UBTD1: variants seen among roughly 807,000 people sequenced by gnomAD.
UBTD1 encodes the protein ubiquitin domain-containing protein 1.
In UBTD1, 19 loss-of-function variants were observed where a neutral mutation model predicts 21.7. The ratio of observed to expected loss-of-function variants is 0.87; its 90% CI spans 0.61 to 1.28. The LOEUF (loss-of-function observed/expected upper bound fraction) is 1.28. UBTD1 is among the 50% of genes most tolerant of loss of function. The pLI, the probability that UBTD1 is intolerant of heterozygous loss-of-function variation, is 0.00. For missense variants in UBTD1, 282 were observed against 315.1 expected (o/e 0.89, Z 0.80); for synonymous variants, 116 against 135.1 (o/e 0.86, Z 0.98).
rs772346762 is a variant in UBTD1, at chr10:97,570,205, G to A, written c.366G>A (p.Pro122=). 15 of 1,613,174 alleles carry A rather than the reference G, an allele frequency of 9.3e-6. No individual in the cohort carries two copies. Among genetic ancestry groups the A allele is most frequent in the African/African-American group, 2.7e-5 (2 of 75,038 alleles). The stretch of plus-strand genomic sequence containing the variant: ...AGCTGCCCATCTACTGCCTGTCACC[G>A]CCGGTGAACCTGCTGCTGGAGCACA... ...RYQLPIYCLS[P]PVNLLLEHTE... The change falls in exon 3 of 3, where the codon CCG becomes CCA. Residue 122 remains proline, a synonymous_variant. Transcript: ENST00000370664. This position sits in a 1 kb window ranked among gnomAD's most constrained non-coding sequence, Gnocchi z 6.6.
At chr10:97,557,298 G>A (rs1198847238) in intron 1 of UBTD1, among the ~76,000 whole-genome samples, 2 of 152,020 alleles carry the variant, frequency 1.3e-5, no homozygotes, top group Non-Finnish European at 2.9e-5. Context: ...TTTTTATTAG[G>A]ATGCTTACAC....
At chr10:97,540,477 C>G (rs1249628714) in intron 1 of UBTD1, among the ~76,000 whole-genome samples, 2 of 152,206 alleles carry the variant, frequency 1.3e-5, no homozygotes, top group Non-Finnish European at 2.9e-5. Context: ...TGATGTAATA[C>G]ATATGAAGTG....
intron 2 of UBTD1, among the ~76,000 whole-genome samples, chr10:97,568,899 C>T (rs953299080): frequency 1.3e-5 from 2 of 152,154 alleles, no homozygotes; most frequent in African/African-American, 4.8e-5. Flanking sequence ...TCTCGGCTCA[C>T]CGCAACCTGC....
In UBTD1 at chr10:97,538,129, A is replaced by G. The variant is rs555032256; in HGVS notation, c.71-29785A>G. Among the ~76,000 whole-genome samples the G allele has an allele frequency of 2.6e-5, 4 of 152,116 alleles. No homozygotes were observed. The South Asian group carries it at 6.2e-4, about 24-fold the overall frequency. ...GCACCAGCCACCATGCTCAGCCCCAACAGACTTTCCACATACCTCTACTCT... is the reference window on the plus strand; with the variant it reads ...GCACCAGCCACCATGCTCAGCCCCAGCAGACTTTCCACATACCTCTACTCT... On this transcript the variant is annotated intron_variant, in intron 1 of 2. Coordinates refer to ENST00000370664, the MANE Select transcript of UBTD1 (RefSeq NM_024954.5).
intron 1 of UBTD1, among the ~76,000 whole-genome samples, chr10:97,511,337 G>A (rs1043702579): frequency 6.6e-6 from 1 of 151,984 alleles, no homozygotes; most frequent in Non-Finnish European, 1.5e-5. Flanking sequence ...GAGGGGGTGG[G>A]GGTACACACA....
At chr10:97,527,318 A>G (rs950496840) in intron 1 of UBTD1, among the ~76,000 whole-genome samples, 1 of 151,754 alleles carries the variant, frequency 6.6e-6, no homozygotes, top group Non-Finnish European at 1.5e-5. Flanking sequence ...CTATACAAAA[A>G]ATTTCAAAAA....
intron 1 of UBTD1, among the ~76,000 whole-genome samples, chr10:97,535,987 A>G (rs190097792): frequency 1.4e-5 from 2 of 145,450 alleles, no homozygotes; most frequent in African/African-American, 5.0e-5. Flanking sequence ...TATTATTATT[A>G]TTATTATTAT....
chr10:97,513,889 T>G (rs1309045376), intron 1 of UBTD1, among the ~76,000 whole-genome samples: 1 of 152,114 alleles, frequency 6.6e-6, no homozygotes, highest in East Asian at 1.9e-4. Context: ...TTTCTGTATT[T>G]TTTATAGAGA....
intron 1 of UBTD1, among the ~76,000 whole-genome samples, chr10:97,501,094 C>T (rs909681651): frequency 4.6e-5 from 7 of 152,146 alleles, no homozygotes; most frequent in South Asian, 4.1e-4. Context: ...CTTCCTTCCG[C>T]GGGACTTGCA....
Position 97,570,050 on chromosome 10 carries a change from T to G in UBTD1, c.299-88T>G. 6.6e-7 allele frequency: 1 copy of G among 1,504,364 alleles called. No homozygotes were observed. The highest frequency in any genetic ancestry group is 8.9e-7 in the Non-Finnish European group (1 of 1,123,694). 93.2% of individuals were successfully genotyped at this position (1,504,364 alleles called of 1,614,324 possible). ...ATACAGTCACATTGGGGGTTAGAGT[T>G]TCACCATATGAATTTGGGGGGACCC... On this transcript the variant is annotated intron_variant, in intron 2 of 2. Coordinates refer to ENST00000370664, the MANE Select transcript of UBTD1 (RefSeq NM_024954.5). This position sits in a 1 kb window ranked among gnomAD's most constrained non-coding sequence, Gnocchi z 6.6.
At position 97,499,259 on chromosome 10, in the gene UBTD1, C is replaced by G. The variant is rs774115015; in HGVS notation, c.56C>G (p.Pro19Arg). Residue 19 changes from proline to arginine, a missense_variant, in exon 1 of 3, where the codon CCC (proline) becomes CGC (arginine). Physicochemically the swap from Pro to Arg is moderately radical, Grantham distance 103 (BLOSUM62 -2). Transcript: ENST00000370664. ...RRERPAAPGHPRKRAGRNEPL... is the reference protein window; with the variant it reads ...RRERPAAPGHRRKRAGRNEPL... ...GAGAGGCCGGCAGCCCCGGGACACC[C>G]CCGCAAGCGAGCAGGTAACGATGGG... 1.9e-6 allele frequency: 3 copies of G among 1,548,694 alleles called. No individual in the cohort carries two copies. In the East Asian group the frequency reaches 7.4e-5, roughly 38 times the overall value.
intron 1 of UBTD1, among the ~76,000 whole-genome samples, chr10:97,552,221 T>A (rs927010356): frequency 3.6e-4 from 54 of 150,890 alleles, no homozygotes; most frequent in East Asian, 3.1e-3. Context: ...AAATTTTTTT[T>A]AAATTATCCA....
intron 1 of UBTD1, among the ~76,000 whole-genome samples, chr10:97,503,347 G>A (rs1363141322): frequency 3.9e-5 from 6 of 152,160 alleles, no homozygotes; most frequent in African/African-American, 1.4e-4. Flanking sequence ...GGGGGCTCTT[G>A]CCACCCCATA....
At chr10:97,554,597 CT>C (rs1302830857) in intron 1 of UBTD1, among the ~76,000 whole-genome samples, 2 of 152,128 alleles carry the variant, frequency 1.3e-5, no homozygotes, top group East Asian at 3.9e-4. Context: ...GTCACCCAGG[CT>C]GGGGTGCAGT....
rs1470519993 is a variant in UBTD1, at chr10:97,499,198, G to A, written c.-6G>A. On this transcript the variant is annotated 5_prime_UTR_variant, in exon 1 of 3. Transcript: ENST00000370664. Reference sequence around the variant, plus strand: ...CCGGTGCATGGGGACTGGCTGAGGAGCCAGCATGGGCAACTGCGTGGGGAG... The same window carrying A: ...CCGGTGCATGGGGACTGGCTGAGGAACCAGCATGGGCAACTGCGTGGGGAG... The A allele has an allele frequency of 6.5e-7, 1 of 1,543,940 alleles. No homozygotes were observed. The highest frequency in any genetic ancestry group is 1.2e-5 in the South Asian group (1 of 83,024).
At chr10:97,537,352 G>A (rs1213047983) in intron 1 of UBTD1, among the ~76,000 whole-genome samples, 1 of 152,138 alleles carries the variant, frequency 6.6e-6, no homozygotes, top group Non-Finnish European at 1.5e-5. Flanking sequence ...GGGTGGTAGG[G>A]GCTGCTCCCA....
chr10:97,538,186 T>G, intron 1 of UBTD1, among the ~76,000 whole-genome samples: 1 of 152,000 alleles, frequency 6.6e-6, no homozygotes, highest in Non-Finnish European at 1.5e-5. Context: ...TTGTTTTGCT[T>G]TGTTTTTAAA....
At chr10:97,563,003 GGA>G (rs1461690481) in intron 1 of UBTD1, among the ~76,000 whole-genome samples, 5 of 152,126 alleles carry the variant, frequency 3.3e-5, no homozygotes, top group Non-Finnish European at 5.9e-5. Context: ...ACCTATAGTG[GGA>G]GAGATTAAAC....
rs1368890561 is a variant in UBTD1, at chr10:97,532,888, C to G, written c.70+33615C>G. Among the ~76,000 whole-genome samples the G allele has an allele frequency of 2.6e-5, 4 of 152,270 alleles. No individual in the cohort carries two copies. The East Asian group carries it at 7.7e-4, about 29-fold the overall frequency. On this transcript the variant is annotated intron_variant, in intron 1 of 2. Coordinates refer to ENST00000370664, the MANE Select transcript of UBTD1 (RefSeq NM_024954.5). ...CTTTCTAATGTTGTGCTCTTATTTCCGGTGTGTCTCGGGCCCCTACCAAGG... is the reference window on the plus strand; with the variant it reads ...CTTTCTAATGTTGTGCTCTTATTTCGGGTGTGTCTCGGGCCCCTACCAAGG...
Sources: allele counts gnomAD v4.1 joint callset (sites outside exome capture counted in the v4.1 genomes callset), GRCh38; gene constraint gnomAD v4.1.1; non-coding constraint Gnocchi (gnomAD v3.1); transcripts MANE v1.5; gene names NCBI Gene and HGNC (gene_info 2026-07-23, HGNC 2026-07-21).